Variants in FAAH2 observed in about 807,000 individuals in gnomAD.
The protein encoded by FAAH2 is fatty acid amide hydrolase 2.
FAAH2 carries 60 observed loss-of-function variants against 36.9 expected under a neutral mutation model. The ratio of observed to expected loss-of-function variants is 1.63; its 90% confidence interval spans 1.32 to 2.02. FAAH2 has a LOEUF of 2.02. Among genes scored for constraint, FAAH2 ranks in the 30% most tolerant of loss-of-function variants. The probability of loss-of-function intolerance (pLI) is 0.00; values close to 1 mark genes in which losing one functional copy is unlikely to be tolerated. For missense variants in FAAH2, 689 were observed against 397.5 expected (o/e 1.73, Z -6.23); for synonymous variants, 214 against 143.8 (o/e 1.49, Z -3.49).
At chrX:57,143,200 C>T in the FAAH2 span, among the ~76,000 whole-genome samples, 1 of 109,798 alleles carries the variant, frequency 9.1e-6, no homozygotes, top group Non-Finnish European at 1.9e-5. Flanking sequence ...TATTTCTGTC[C>T]TTCTTTGTGT....
chrX:57,409,976 G>A (rs2055659670), intron 7 of FAAH2, among the ~76,000 whole-genome samples: 2 of 110,663 alleles, frequency 1.8e-5, no homozygotes, highest in Non-Finnish European at 3.8e-5. Context: ...GGTATTTTAT[G>A]TGTATTCTTT....
At chrX:57,181,581 G>T in the FAAH2 span, among the ~76,000 whole-genome samples, 3 of 111,497 alleles carry the variant, frequency 2.7e-5, no homozygotes, top group African/African-American at 6.5e-5. Context: ...AAATCAGGAT[G>T]ACACAAACAA....
chrX:57,465,458 C>A (rs965902671), intron 10 of FAAH2, among the ~76,000 whole-genome samples: 1 of 111,408 alleles, frequency 9.0e-6, no homozygotes, highest in Non-Finnish European at 1.9e-5. Context: ...ATAACCTACC[C>A]ATCAACTAGA....
At chrX:57,189,077 T>C in the FAAH2 span, among the ~76,000 whole-genome samples, 1 of 110,977 alleles carries the variant, frequency 9.0e-6, no homozygotes, top group Non-Finnish European at 1.9e-5. Flanking sequence ...GAAGTCTTGG[T>C]TCTTTCCTTT....
the FAAH2 span, among the ~76,000 whole-genome samples, chrX:57,149,855 G>T: frequency 1.8e-5 from 2 of 111,373 alleles, no homozygotes; most frequent in South Asian, 3.8e-4. Flanking sequence ...TGATATTAGG[G>T]TGTCAATTTT....
intron 10 of FAAH2, among the ~76,000 whole-genome samples, chrX:57,470,418 C>A (rs753957931): frequency 9.0e-6 from 1 of 111,565 alleles, no homozygotes; most frequent in Non-Finnish European, 1.9e-5. Context: ...AAGCGGATAT[C>A]AACACCAATC....
chrX:57,190,592 T>C, the FAAH2 span, among the ~76,000 whole-genome samples: 27 of 110,597 alleles, frequency 2.4e-4, no homozygotes, highest in Non-Finnish European at 4.2e-4. Flanking sequence ...GGGAAAAGCA[T>C]AGTATCTGGG....
intron 3 of FAAH2, among the ~76,000 whole-genome samples, chrX:57,329,151 G>A (rs1475035820): frequency 1.8e-5 from 2 of 112,427 alleles, no homozygotes; most frequent in South Asian, 7.4e-4. Flanking sequence ...GCTGACCTTT[G>A]TGAGATCATT....
intron 7 of FAAH2, among the ~76,000 whole-genome samples, chrX:57,430,348 C>T (rs186401090): frequency 1.8e-4 from 20 of 111,125 alleles, no homozygotes. Context: ...TTCTTCCATG[C>T]CATAATTTAT....
chrX:57,361,209 A>AT (rs1021314813), intron 5 of FAAH2, among the ~76,000 whole-genome samples: 1 of 111,584 alleles, frequency 9.0e-6, no homozygotes, highest in East Asian at 2.8e-4. Flanking sequence ...GTTTGCTCAG[A>AT]TTTTTTATTT....
chrX:57,324,365 A>T (rs1189763981), intron 3 of FAAH2, among the ~76,000 whole-genome samples: 5 of 111,981 alleles, frequency 4.5e-5, no homozygotes, highest in Non-Finnish European at 9.4e-5. Context: ...AGTTTTTTCC[A>T]ATTCTGTGAA....
intron 4 of FAAH2, among the ~76,000 whole-genome samples, chrX:57,334,822 G>A (rs2053502800): frequency 9.0e-6 from 1 of 111,376 alleles, no homozygotes; most frequent in Non-Finnish European, 1.9e-5. Flanking sequence ...TAACAAAAAA[G>A]TATGCATTAA....
chrX:57,291,592 C>G (rs1468989863), intron 1 of FAAH2, among the ~76,000 whole-genome samples: 2 of 111,766 alleles, frequency 1.8e-5, no homozygotes, highest in Non-Finnish European at 3.8e-5. Flanking sequence ...ATCCTTTTCA[C>G]TTGATGTAAT....
the FAAH2 span, among the ~76,000 whole-genome samples, chrX:57,213,269 C>T: frequency 9.9e-5 from 11 of 111,053 alleles, no homozygotes; most frequent in African/African-American, 3.6e-4. Context: ...TTTATCATTT[C>T]GAAGAAAAAT....
At chrX:57,129,286 A>T in the FAAH2 span, among the ~76,000 whole-genome samples, 5 of 111,419 alleles carry the variant, frequency 4.5e-5, no homozygotes, top group African/African-American at 1.3e-4. Context: ...GTACTGTATG[A>T]TCTAGTCAAT....
chrX:57,288,151 T>A (rs2146768500), intron 1 of FAAH2, among the ~76,000 whole-genome samples: 1 of 110,264 alleles, frequency 9.1e-6, no homozygotes, highest in East Asian at 2.9e-4. Flanking sequence ...ATATTTCAAA[T>A]TTTGGACTGT....
chrX:57,488,279 A>G (rs1235494216), intron 10 of FAAH2, among the ~76,000 whole-genome samples: 1 of 112,127 alleles, frequency 8.9e-6, no homozygotes, highest in African/African-American at 3.2e-5. Context: ...ATGACAAATC[A>G]CAACTCTAGA....
At chrX:57,484,605 TACTC>T (rs761696400) in intron 10 of FAAH2, among the ~76,000 whole-genome samples, 1 of 111,825 alleles carries the variant, frequency 8.9e-6, no homozygotes, top group Non-Finnish European at 1.9e-5. Context: ...AGAATATATT[TACTC>T]ACTCAACCCA....
At chrX:57,379,998 G>T (rs753783454) in intron 6 of FAAH2, among the ~76,000 whole-genome samples, 4 of 110,386 alleles carry the variant, frequency 3.6e-5, no homozygotes, top group African/African-American at 1.3e-4. Flanking sequence ...TACCTAACAG[G>T]TGTATATATT....
Sources: gnomAD v4.1 joint callset for allele counts (sites outside exome capture counted in the v4.1 genomes callset) on GRCh38, gnomAD v4.1.1 for gene constraint, MANE v1.5 for transcripts, NCBI Gene and HGNC (gene_info 2026-07-23, HGNC 2026-07-21) for gene names.